The following ZNF675 variants were observed in gnomAD, a reference collection of about 807,000 sequenced individuals.
ZNF675 encodes TRAF6 inhibitory zinc finger.
In ZNF675, 36 loss-of-function variants were observed where a neutral mutation model predicts 56.1. The observed-to-expected ratio is 0.64, with a 90% CI of 0.49 to 0.85. The LOEUF (loss-of-function observed/expected upper bound fraction) is 0.85, where lower values mean the gene tolerates loss of function less well. Ranked by LOEUF, ZNF675 falls within the 40% of genes least tolerant of loss-of-function variation. The probability of loss-of-function intolerance (pLI) is 0.00; values close to 1 mark genes in which losing one functional copy is unlikely to be tolerated. For missense variants in ZNF675, 663 were observed against 654.2 expected (o/e 1.01, Z -0.15); for synonymous variants, 200 against 218.9 (o/e 0.91, Z 0.76).
chr19:23,677,246 C>T (rs994174200), intron 1 of ZNF675, among the ~76,000 whole-genome samples: 3 of 142,274 alleles, frequency 2.1e-5, no homozygotes, highest in South Asian at 2.4e-4. Context: ...CAAACTATCC[C>T]GGGTGCAGAT....
Position 23,662,098 on chromosome 19 carries a change from T to G in ZNF675, c.226+16A>C, listed in dbSNP as rs1568290260. 1.3e-6 allele frequency: 2 copies of G among 1,597,970 alleles called. No individual in the cohort carries two copies. Among genetic ancestry groups the G allele is most frequent in the African/African-American group, 2.7e-5 (2 of 74,712 alleles). ...CATCAGTGTCACCTGTTGTATTCAC[T>G]TTCATTCTCACTTACCTGGGGGTTC... On this transcript the variant is annotated intron_variant, in intron 3 of 3. Transcript: ENST00000359788.
chr19:23,687,181 G>C lies in ZNF675; in HGVS notation c.-148C>G. 1.0e-6 allele frequency: 1 copy of C among 969,882 alleles called. No individual in the cohort carries two copies. Among genetic ancestry groups the C allele is most frequent in the Non-Finnish European group, 1.6e-6 (1 of 627,362 alleles). 60.1% of individuals were successfully genotyped at this position (969,882 alleles called of 1,614,324 possible). A position where few individuals can be genotyped will look rare whatever the true frequency, so the allele number is the denominator to read the frequency against. On this transcript the variant is annotated 5_prime_UTR_variant, in exon 1 of 4. Transcript: ENST00000359788. ...AGCTCCGGCTGCAGCGAGAGACAAA[G>C]GCGCCGCCAAATCCCGGAAGCCATC...
At chr19:23,685,129 T>G (rs1968426981) in intron 1 of ZNF675, among the ~76,000 whole-genome samples, 1 of 152,154 alleles carries the variant, frequency 6.6e-6, no homozygotes, top group Admixed American at 6.6e-5. Context: ...CACGCCCAGC[T>G]AATTTTTTTG....
intron 1 of ZNF675, among the ~76,000 whole-genome samples, chr19:23,676,800 C>A (rs796810599): frequency 6.6e-6 from 1 of 151,636 alleles, no homozygotes; most frequent in African/African-American, 2.4e-5. Flanking sequence ...GACGGCCGGG[C>A]GCGGTGGCTC....
intron 3 of ZNF675, among the ~76,000 whole-genome samples, chr19:23,658,122 G>C (rs1420136756): frequency 6.6e-6 from 1 of 152,050 alleles, no homozygotes; most frequent in Non-Finnish European, 1.5e-5. Context: ...AGCACATTAG[G>C]AGGTGAGGCT....
At chr19:23,661,656 C>T (rs1314131719) in intron 3 of ZNF675, among the ~76,000 whole-genome samples, 1 of 151,934 alleles carries the variant, frequency 6.6e-6, no homozygotes, top group Non-Finnish European at 1.5e-5. Context: ...TAGCACTGCA[C>T]CCCAGCCTGG....
chr19:23,671,781 G>T (rs1216757252), intron 1 of ZNF675, among the ~76,000 whole-genome samples: 2 of 151,718 alleles, frequency 1.3e-5, no homozygotes, highest in Non-Finnish European at 2.9e-5. Flanking sequence ...TTATCTAATG[G>T]TCATATGAAA....
At chr19:23,654,812 G>C in intron 3 of ZNF675, 106 bp from the exon 4 acceptor site, 2 of 931,664 alleles carry the variant, frequency 2.1e-6, no homozygotes, top group Non-Finnish European at 3.1e-6. Context: ...TGGCACCACA[G>C]GCCATAATTA....
chr19:23,659,058 C>G (rs1218611938), intron 3 of ZNF675, among the ~76,000 whole-genome samples: 1 of 149,930 alleles, frequency 6.7e-6, no homozygotes, highest in Non-Finnish European at 1.5e-5. Flanking sequence ...GTTAGAGCGC[C>G]TGATATATAA....
intron 1 of ZNF675, among the ~76,000 whole-genome samples, chr19:23,678,754 G>C (rs542293939): frequency 5.9e-5 from 9 of 151,530 alleles, no homozygotes; most frequent in African/African-American, 1.7e-4. Flanking sequence ...ACAGAATAGA[G>C]AGCCAAAAAA....
chr19:23,687,000 C>T, intron 1 of ZNF675, 31 bp downstream of exon 1: 1 of 1,613,672 alleles, frequency 6.2e-7, no homozygotes, highest in South Asian at 1.1e-5. Flanking sequence ...GCCCCTTCCC[C>T]CTCTCGGGAT....
chr19:23,668,542 T>G (rs1458908452), intron 1 of ZNF675, among the ~76,000 whole-genome samples: 1 of 152,094 alleles, frequency 6.6e-6, no homozygotes, highest in African/African-American at 2.4e-5. Flanking sequence ...CCTCAGCCCT[T>G]GGGCGGTCGA....
chr19:23,653,269 TTA>T lies in ZNF675; in HGVS notation c.1662_1663del (p.His554GlnfsTer58), dbSNP rs1568286668. The T allele has an allele frequency of 1.2e-6, 2 of 1,610,820 alleles. No individual in the cohort carries two copies. Among genetic ancestry groups the T allele is most frequent in the East Asian group, 2.2e-5 (1 of 44,802 alleles). On this transcript the variant is annotated frameshift_variant, in exon 4 of 4. Transcript: ENST00000359788. LOFTEE classifies it high-confidence loss of function. The stretch of plus-strand genomic sequence containing the variant: ...TAGTTTCTCTCCAGTATGTATTTTT[TTA>T]TGTTTAGTAAGGTTTGCAGATTGGT...
At chr19:23,656,642 A>T (rs1412989356) in intron 3 of ZNF675, 1 of 152,098 alleles carries the variant, frequency 6.6e-6, no homozygotes, top group Non-Finnish European at 1.5e-5. Context: ...ACACACACAC[A>T]CACACACACA....
At chr19:23,662,852 C>T (rs1968097903) in intron 2 of ZNF675, among the ~76,000 whole-genome samples, 180 bp downstream of exon 2, 1 of 152,094 alleles carries the variant, frequency 6.6e-6, no homozygotes, top group Non-Finnish European at 1.5e-5. Flanking sequence ...GGCATGGTGG[C>T]TCACGCCTGT....
At chr19:23,662,992 A>C (rs910034760) in intron 2 of ZNF675, 40 bp downstream of exon 2, 2 of 1,382,624 alleles carry the variant, frequency 1.4e-6, no homozygotes, top group Non-Finnish European at 1.9e-6. Flanking sequence ...CAAAAGAAAA[A>C]CAAAAAAAAA....
Position 23,662,146 on chromosome 19 carries a change from A to C in ZNF675, c.194T>G (p.Val65Gly), listed in dbSNP as rs750407086. The C allele has an allele frequency of 1.9e-6, 3 of 1,613,584 alleles. No homozygotes were observed. The African/African-American group carries it at 4.0e-5, about 22-fold the overall frequency. Residue 65 changes from valine to glycine, a missense_variant, in exon 3 of 4, where the codon GTG (valine) becomes GGG (glycine). By Grantham distance (109) the Val-to-Gly change is moderately radical (BLOSUM62 -3). Transcript: ENST00000359788. ...CLEQEKEPLT[V>G]KRHEMVNEPP... ...TTCATTCACCATCTCATGTCTCTTC[A>C]CAGTCAAAGGCTCTTTTTCTTGCTC...
intron 3 of ZNF675, chr19:23,655,558 G>T (rs945630070): frequency 1.3e-5 from 2 of 151,766 alleles, no homozygotes; most frequent in African/African-American, 4.8e-5. Context: ...AGAAGATAGT[G>T]CCAAGCCATT....
intron 3 of ZNF675, among the ~76,000 whole-genome samples, chr19:23,658,876 T>TCTATAGATATAGAAATAGATCTATAG (rs1555706348): frequency 1.8e-3 from 7 of 3,876 alleles, no homozygotes; most frequent in African/African-American, 3.2e-3. Flanking sequence ...GATCTATAGA[T>TCTATAGATATAGAAATAGATCTATAG]ATCTATAGAT....
Sources: gnomAD v4.1 joint callset for allele counts (sites outside exome capture counted in the v4.1 genomes callset) on GRCh38, gnomAD v4.1.1 for gene constraint, MANE v1.5 for transcripts, NCBI Gene and HGNC (gene_info 2026-07-23, HGNC 2026-07-21) for gene names.